PCCA: variants seen among roughly 807,000 people sequenced by gnomAD.
The protein encoded by PCCA is propionyl-CoA carboxylase alpha chain, mitochondrial.
PCCA carries 74 observed loss-of-function variants against 101.3 expected under a neutral mutation model. That is an observed-to-expected ratio of 0.73 (90% confidence interval 0.61 to 0.89). The LOEUF is 0.89. Ranked by LOEUF, PCCA falls within the 40% of genes least tolerant of loss-of-function variation. The probability of loss-of-function intolerance (pLI) is 0.00; values close to 1 mark genes in which losing one functional copy is unlikely to be tolerated. For missense variants in PCCA, 891 were observed against 907.0 expected, an observed-to-expected ratio of 0.98 and a Z score of 0.23; for synonymous variants, 294 against 313.6, an observed-to-expected ratio of 0.94 and a Z score of 0.66.
At chr13:100,397,771 A>T (rs1490634745) in intron 19 of PCCA, among the ~76,000 whole-genome samples, 1 of 152,086 alleles carries the variant, frequency 6.6e-6, no homozygotes, top group Non-Finnish European at 1.5e-5. Context: ...TGTGGTTTTT[A>T]TAAAATAAAA....
At chr13:100,209,038 G>A (rs1566710808) in intron 6 of PCCA, among the ~76,000 whole-genome samples, 2 of 152,286 alleles carry the variant, frequency 1.3e-5, no homozygotes, top group East Asian at 3.9e-4. Context: ...ATTAGGTGGT[G>A]TAGGACGTTA....
At chr13:100,486,790 A>G (rs1023137904) in intron 21 of PCCA, among the ~76,000 whole-genome samples, 2 of 152,130 alleles carry the variant, frequency 1.3e-5, no homozygotes, top group Admixed American at 1.3e-4. Flanking sequence ...GTGATGATAC[A>G]TGCCCATGAC....
intron 1 of PCCA, among the ~76,000 whole-genome samples, chr13:100,099,902 G>A (rs375243031): frequency 3.9e-5 from 6 of 152,254 alleles, no homozygotes; most frequent in African/African-American, 1.4e-4. Context: ...GGAAATGTCA[G>A]AGCCAAGATT....
chr13:100,511,299 T>C (rs2086459633), intron 21 of PCCA, among the ~76,000 whole-genome samples: 2 of 152,204 alleles, frequency 1.3e-5, no homozygotes, highest in Admixed American at 1.3e-4. Flanking sequence ...CAGCTCTGAG[T>C]TAGGACAGTA....
intron 6 of PCCA, among the ~76,000 whole-genome samples, chr13:100,163,961 T>C (rs951336411): frequency 7.2e-5 from 11 of 152,240 alleles, no homozygotes; most frequent in Non-Finnish European, 1.2e-4. Context: ...TATGATACCA[T>C]TTCAAGTAAA....
chr13:100,434,568 A>T (rs1219021292), intron 20 of PCCA, among the ~76,000 whole-genome samples: 1 of 151,862 alleles, frequency 6.6e-6, no homozygotes, highest in Non-Finnish European at 1.5e-5. Context: ...GATTTGGGGG[A>T]ACTTCTCACC....
chr13:100,387,653 A>T (rs1038123297), intron 19 of PCCA, among the ~76,000 whole-genome samples: 2 of 152,226 alleles, frequency 1.3e-5, no homozygotes, highest in Non-Finnish European at 2.9e-5. Flanking sequence ...AGAGAAATCA[A>T]GTCTGAAGAG....
chr13:100,425,887 A>G (rs1161165185), intron 20 of PCCA, among the ~76,000 whole-genome samples, 156 bp downstream of exon 20: 1 of 152,182 alleles, frequency 6.6e-6, no homozygotes, highest in Non-Finnish European at 1.5e-5. Context: ...CTTATTTTAG[A>G]GGATCTTAAG....
intron 19 of PCCA, among the ~76,000 whole-genome samples, chr13:100,421,129 C>T (rs1326008552): frequency 6.6e-6 from 1 of 152,020 alleles, no homozygotes; most frequent in African/African-American, 2.4e-5. Context: ...ATCGCTTGAA[C>T]CCGGGAGGTG....
Position 100,301,523 on chromosome 13 carries a change from G to A in PCCA, c.1129G>A (p.Ala377Thr), listed in dbSNP as rs751755591. ...CCTAGTCCAGGAAATGATCCGTGTT[G>A]CTAAGGGCTACCCTCTCAGGCACAA... ...LDLVQEMIRV[A>T]KGYPLRHKQA... Residue 377 changes from alanine (A) to threonine (T), a missense_variant, in exon 13 of 24, where the codon GCT becomes ACT. Coordinates refer to ENST00000376285, the MANE Select transcript of PCCA (RefSeq NM_000282.4). 6.2e-7 allele frequency: 1 copy of A among 1,614,092 alleles called. No homozygotes were observed. Among genetic ancestry groups the A allele is most frequent in the Non-Finnish European group, 8.5e-7 (1 of 1,179,978 alleles).
At chr13:100,261,427 A>G (rs1280714852) in intron 9 of PCCA, among the ~76,000 whole-genome samples, 16 of 151,132 alleles carry the variant, frequency 1.1e-4, no homozygotes, top group Non-Finnish European at 1.5e-5. Flanking sequence ...GTGCAGTGAC[A>G]TAATTTCTGC....
chr13:100,215,160 C>T lies in PCCA; in HGVS notation c.600+5697C>T, dbSNP rs575390631. ...TCTTGGCTTAAATGTAAATTCCTCA[C>T]ATAGGCATTCCTTAACTGTCTTCAT... On this transcript the variant is annotated intron_variant, in intron 7 of 23. Transcript: ENST00000376285. Among the ~76,000 whole-genome samples, 13 of 152,350 alleles carry T rather than the reference C, an allele frequency of 8.5e-5. No individual in the cohort carries two copies. In the East Asian group the frequency reaches 2.5e-3, roughly 29 times the overall value.
At chr13:100,141,417 T>G (rs966345561) in intron 4 of PCCA, among the ~76,000 whole-genome samples, 1 of 152,138 alleles carries the variant, frequency 6.6e-6, no homozygotes, top group Non-Finnish European at 1.5e-5. Flanking sequence ...ATTTATGTAT[T>G]TATTTATTTA....
chr13:100,300,882 A>G (rs1478654671), intron 12 of PCCA, among the ~76,000 whole-genome samples: 1 of 152,248 alleles, frequency 6.6e-6, no homozygotes. Flanking sequence ...CTGTTTTGCA[A>G]TTGTGCATGC....
chr13:100,306,530 A>C (rs1278594604), intron 14 of PCCA, among the ~76,000 whole-genome samples: 36 of 152,196 alleles, frequency 2.4e-4, no homozygotes, highest in Admixed American at 2.4e-3. Flanking sequence ...GTGATGTACT[A>C]ACTCACTCGT....
At chr13:100,505,958 C>T (rs1306340500) in intron 21 of PCCA, among the ~76,000 whole-genome samples, 3 of 151,884 alleles carry the variant, frequency 2.0e-5, no homozygotes, top group Admixed American at 2.0e-4. Flanking sequence ...TAGTTACTCT[C>T]GAGCACTTGC....
At chr13:100,495,588 AAGAAAATACCTTTTCC>A (rs949825155) in intron 21 of PCCA, among the ~76,000 whole-genome samples, 10 of 152,238 alleles carry the variant, frequency 6.6e-5, no homozygotes, top group Non-Finnish European at 1.2e-4. Context: ...CTACTCAATA[AAGAAAATACCTTTTCC>A]TGCTCTGCTG....
chr13:100,391,180 G>A (rs183323343), intron 19 of PCCA, among the ~76,000 whole-genome samples: 42 of 152,270 alleles, frequency 2.8e-4, no homozygotes, highest in African/African-American at 1.0e-3. Context: ...ACCACGCCCA[G>A]CTAATTTTTG....
chr13:100,130,840 G>C (rs542408869), intron 4 of PCCA, among the ~76,000 whole-genome samples: 1 of 152,190 alleles, frequency 6.6e-6, no homozygotes, highest in Non-Finnish European at 1.5e-5. Flanking sequence ...CTCTACATGT[G>C]ATAGGGAAAT....
Sources: allele counts gnomAD v4.1 joint callset (sites outside exome capture counted in the v4.1 genomes callset), GRCh38; gene constraint gnomAD v4.1.1; transcripts MANE v1.5; gene names NCBI Gene and HGNC (gene_info 2026-07-23, HGNC 2026-07-21).